Variants in WWC2 observed in about 807,000 individuals in gnomAD.
The protein encoded by WWC2 is protein WWC2.
WWC2 carries 101 observed loss-of-function variants against 138.5 expected under a neutral mutation model. The ratio of observed to expected loss-of-function variants is 0.73; its 90% CI spans 0.62 to 0.86. WWC2 has a LOEUF of 0.86. Ranked by LOEUF, WWC2 falls within the 40% of genes least tolerant of loss-of-function variation. The pLI, the probability that WWC2 is intolerant of heterozygous loss-of-function variation, is 0.00. For missense variants in WWC2, 1,420 were observed against 1,419.4 expected (o/e 1.00, Z -0.01); for synonymous variants, 558 against 538.4 (o/e 1.04, Z -0.50).
At chr4:183,273,864 T>G (rs1737772654) in intron 16 of WWC2, among the ~76,000 whole-genome samples, 1 of 152,236 alleles carries the variant, frequency 6.6e-6, no homozygotes, top group African/African-American at 2.4e-5. Context: ...TTCCTGGGTC[T>G]TTTTCTAACA....
At chr4:183,109,226 T>C (rs1008488261) in intron 1 of WWC2, among the ~76,000 whole-genome samples, 2 of 152,154 alleles carry the variant, frequency 1.3e-5, no homozygotes, top group African/African-American at 2.4e-5. Flanking sequence ...AAGAAGAATA[T>C]GTGACAGAGA....
intron 21 of WWC2, among the ~76,000 whole-genome samples, chr4:183,302,144 C>T (rs1360199267): frequency 6.6e-6 from 1 of 152,212 alleles, no homozygotes; most frequent in South Asian, 2.1e-4. Context: ...ATTTTTGTAC[C>T]TTTCTGGTCA....
In WWC2 at chr4:183,129,938, G is replaced by A. The variant is rs998198697; in HGVS notation, c.131+30316G>A. Among the ~76,000 whole-genome samples the A allele has an allele frequency of 4.6e-5, 7 of 152,240 alleles. 1 individual carries two copies. The highest frequency in any genetic ancestry group is 2.6e-4 in the Admixed American group (4 of 15,284). ...TCTTTTCTCTTCAGCAGAGTGCAGG[G>A]CTGTTGTGTTTTCTGTCTCTGGCCT... On this transcript the variant is annotated intron_variant, in intron 1 of 22. Coordinates refer to ENST00000403733, the MANE Select transcript of WWC2 (RefSeq NM_024949.6).
intron 5 of WWC2, 105 bp downstream of exon 5, chr4:183,240,367 TAAAG>T: frequency 1.2e-6 from 1 of 820,716 alleles, no homozygotes; most frequent in Non-Finnish European, 1.7e-6. Flanking sequence ...TAAAGAAACG[TAAAG>T]TAAAAAAGTT....
chr4:183,272,581 C>T (rs536102201), intron 16 of WWC2, among the ~76,000 whole-genome samples: 1 of 152,122 alleles, frequency 6.6e-6, no homozygotes, highest in Non-Finnish European at 1.5e-5. Context: ...CCTGTGTGCA[C>T]GAGCAGAGAC....
intron 1 of WWC2, among the ~76,000 whole-genome samples, chr4:183,103,142 G>A (rs1395498514): frequency 7.9e-5 from 12 of 151,784 alleles, no homozygotes; most frequent in African/African-American, 2.2e-4. Context: ...CTAATCTGTG[G>A]CTTATGGCAA....
At chr4:183,149,672 T>C (rs200400972) in intron 1 of WWC2, among the ~76,000 whole-genome samples, 40 of 140,914 alleles carry the variant, frequency 2.8e-4, no homozygotes, top group Admixed American at 9.7e-4. Flanking sequence ...GCTTCTCTCT[T>C]TTTTTTTTTT....
Position 183,269,029 on chromosome 4 carries a change from A to C in WWC2, c.2266A>C (p.Lys756Gln). The C allele has an allele frequency of 6.2e-7, 1 of 1,613,902 alleles. No individual in the cohort carries two copies. Among genetic ancestry groups the C allele is most frequent in the South Asian group, 1.1e-5 (1 of 91,046 alleles). The change falls in exon 15 of 23, where the codon AAA becomes CAA. Residue 756 changes from lysine to glutamine, a missense_variant. Physicochemically the swap from Lys to Gln is moderately conservative, Grantham distance 53. Transcript: ENST00000403733. ...STDVSCLFRT[K>Q]VHPPTESILF... ...TGATGTCAGCTGTCTGTTTCGCACA[A>C]AAGTTCATCCGCCCACAGAATCCAT... is the stretch of plus-strand genomic sequence containing the variant.
At chr4:183,265,510 G>T (rs557465200) in intron 12 of WWC2, among the ~76,000 whole-genome samples, 178 bp from the exon 13 acceptor site, 27 of 152,316 alleles carry the variant, frequency 1.8e-4, no homozygotes, top group African/African-American at 6.5e-4. Context: ...CCCAGAGGCG[G>T]GCTCTTCTTG....
chr4:183,310,832 TAAAAAAA>T (rs34169882), intron 21 of WWC2, among the ~76,000 whole-genome samples: 2 of 113,444 alleles, frequency 1.8e-5, no homozygotes, highest in African/African-American at 3.5e-5. Flanking sequence ...TGGCATATTG[TAAAAAAA>T]AAAAAAAAAA....
At chr4:183,209,942 G>T (rs965092761) in intron 4 of WWC2, among the ~76,000 whole-genome samples, 1 of 152,156 alleles carries the variant, frequency 6.6e-6, no homozygotes, top group Non-Finnish European at 1.5e-5. Context: ...CTAGCCTCAT[G>T]AGCACTGAGG....
At chr4:183,106,826 T>G (rs115591587) in intron 1 of WWC2, among the ~76,000 whole-genome samples, 1,984 of 152,266 alleles carry the variant, frequency 0.013, 18 homozygotes, top group South Asian at 0.023. Context: ...TTTCATTAGC[T>G]GATGTGCATT....
intron 20 of WWC2, among the ~76,000 whole-genome samples, chr4:183,286,600 A>G (rs1738262980): frequency 6.6e-6 from 1 of 152,206 alleles, no homozygotes; most frequent in African/African-American, 2.4e-5. Context: ...AAGAGAATAA[A>G]TGAATTAACA....
intron 1 of WWC2, among the ~76,000 whole-genome samples, chr4:183,175,455 G>C (rs1387199368): frequency 6.6e-6 from 1 of 151,996 alleles, no homozygotes; most frequent in African/African-American, 2.4e-5. Context: ...TAGAGATGGG[G>C]TTTTATCATG....
At position 183,146,579 on chromosome 4, in the gene WWC2, C is replaced by G. The variant is rs188802277; in HGVS notation, c.131+46957C>G. On this transcript the variant is annotated intron_variant, in intron 1 of 22. Coordinates refer to ENST00000403733, the MANE Select transcript of WWC2 (RefSeq NM_024949.6). ...ATGTTTGGAACTTCCTTTTCTGGGA[C>G]AGGGTGGGGAAGGATCACAGGAATT... 4.0e-3 allele frequency among the ~76,000 whole-genome samples: 616 copies of G among 152,238 alleles called. 8 individuals are homozygous for G. The highest frequency in any genetic ancestry group is 0.028 in the South Asian group (134 of 4,832).
chr4:183,230,708 C>A (rs2111286778), intron 4 of WWC2, among the ~76,000 whole-genome samples: 1 of 151,546 alleles, frequency 6.6e-6, no homozygotes, highest in East Asian at 1.9e-4. Context: ...GAAAACATGG[C>A]TATAATAGAA....
intron 1 of WWC2, among the ~76,000 whole-genome samples, chr4:183,107,704 C>G (rs575270195): frequency 5.3e-5 from 8 of 152,112 alleles, no homozygotes; most frequent in African/African-American, 1.9e-4. Flanking sequence ...CTTCCCTTTT[C>G]TCCCTATCTG....
chr4:183,284,243 C>T lies in WWC2; in HGVS notation c.2901C>T (p.Asn967=), dbSNP rs746784501. Residue 967 remains asparagine (N), a synonymous_variant, in exon 19 of 23, where the codon AAC becomes AAT. Transcript: ENST00000403733. ...TCTTATAGGTTGACAAAGAGACAAACACTGATGAAGCCGCTAATGACAATA... is the reference window on the plus strand; with the variant it reads ...TCTTATAGGTTGACAAAGAGACAAATACTGATGAAGCCGCTAATGACAATA... The part of the protein sequence containing the change: ...RIPTLVDKET[N]TDEAANDNMA... The T allele has an allele frequency of 1.9e-6, 3 of 1,613,910 alleles. No homozygotes were observed. Among genetic ancestry groups the T allele is most frequent in the Non-Finnish European group, 1.7e-6 (2 of 1,179,842 alleles).
intron 1 of WWC2, among the ~76,000 whole-genome samples, chr4:183,176,934 G>A (rs4490499): frequency 0.98 from 149,608 of 152,216 alleles, 73,570 homozygotes; most frequent in Middle Eastern, 1. Flanking sequence ...GAAGCTAAGC[G>A]TGACTTAGTG....
Sources: allele counts gnomAD v4.1 joint callset (sites outside exome capture counted in the v4.1 genomes callset), GRCh38; gene constraint gnomAD v4.1.1; transcripts MANE v1.5; gene names NCBI Gene and HGNC (gene_info 2026-07-23, HGNC 2026-07-21).